SYNE3: variants seen among roughly 807,000 people sequenced by gnomAD.
SYNE3 encodes the protein nesprin-3.
A neutral mutation model predicts 111.2 loss-of-function variants in SYNE3; 100 were observed. That is an observed-to-expected ratio of 0.90 (90% CI 0.77 to 1.06). The LOEUF (loss-of-function observed/expected upper bound fraction) is 1.06, where lower values mean the gene tolerates loss of function less well. Among genes scored for constraint, SYNE3 ranks in the 50% least tolerant of loss-of-function variants. The pLI, the probability that SYNE3 is intolerant of heterozygous loss-of-function variation, is 0.00. For missense variants in SYNE3, 1,160 were observed against 1,240.3 expected (o/e 0.94, Z 0.97); for synonymous variants, 547 against 533.9 (o/e 1.02, Z -0.34).
chr14:95,480,577 G>C (rs1054701496), intron 1 of SYNE3, among the ~76,000 whole-genome samples: 4 of 152,226 alleles, frequency 2.6e-5, no homozygotes, highest in African/African-American at 9.6e-5. Context: ...GGAATGGACA[G>C]TAAGGATGCA....
At chr14:95,478,854 C>G (rs535668374) in intron 1 of SYNE3, among the ~76,000 whole-genome samples, 2 of 152,304 alleles carry the variant, frequency 1.3e-5, no homozygotes, top group African/African-American at 2.4e-5. Context: ...CATCCCCTAT[C>G]TCAGGTGGTC....
intron 17 of SYNE3, 132 bp from the exon 18 acceptor site, chr14:95,418,158 T>C: frequency 1.1e-6 from 1 of 914,744 alleles, no homozygotes; most frequent in Non-Finnish European, 1.7e-6. Flanking sequence ...CATCTCCAGG[T>C]TCTCATCTGT....
chr14:95,460,384 T>TTTTTTTTTC, intron 4 of SYNE3, among the ~76,000 whole-genome samples: 1 of 148,642 alleles, frequency 6.7e-6, no homozygotes, highest in Non-Finnish European at 1.5e-5. Context: ...TTTTTTTTTT[T>TTTTTTTTTC]TTTTTTTGCT....
chr14:95,420,725 C>T (rs772251424), intron 17 of SYNE3, among the ~76,000 whole-genome samples: 8 of 152,058 alleles, frequency 5.3e-5, no homozygotes, highest in Non-Finnish European at 1.0e-4. Flanking sequence ...CACACACACA[C>T]ACATACACAC....
At chr14:95,449,624 A>G in intron 8 of SYNE3, 1 of 985,480 alleles carries the variant, frequency 1.0e-6, no homozygotes, top group Non-Finnish European at 1.2e-6. Flanking sequence ...GAGCTGCAGT[A>G]AAGGCAATGG....
chr14:95,510,307 A>T (rs1595265625), intron 1 of SYNE3, among the ~76,000 whole-genome samples: 2 of 152,162 alleles, frequency 1.3e-5, no homozygotes, highest in Admixed American at 6.5e-5. Context: ...AAGGGCTGAG[A>T]CCTGGGCCCA....
At chr14:95,472,746 T>C (rs756611699) in intron 2 of SYNE3, among the ~76,000 whole-genome samples, 10 of 152,148 alleles carry the variant, frequency 6.6e-5, no homozygotes, top group Non-Finnish European at 1.5e-4. Context: ...CCAGGAGCGA[T>C]GGGTTCTCCA....
intron 1 of SYNE3, among the ~76,000 whole-genome samples, chr14:95,502,021 G>T (rs930144970): frequency 6.6e-6 from 1 of 152,226 alleles, no homozygotes; most frequent in Non-Finnish European, 1.5e-5. Context: ...GGGGAGAGAT[G>T]ATTCCACCTT....
intron 1 of SYNE3, among the ~76,000 whole-genome samples, chr14:95,504,210 T>C (rs1311625733): frequency 6.6e-6 from 1 of 152,258 alleles, no homozygotes; most frequent in African/African-American, 2.4e-5. Flanking sequence ...ACATAGCATC[T>C]GTGGCTGCTT....
chr14:95,430,287 G>C (rs1285874638), intron 17 of SYNE3, among the ~76,000 whole-genome samples: 1 of 152,140 alleles, frequency 6.6e-6, no homozygotes, highest in Non-Finnish European at 1.5e-5. Flanking sequence ...GCAGGAGCTA[G>C]AGTCGGTCTG....
In SYNE3 at chr14:95,475,812, G is replaced by A; in HGVS notation, c.10C>T (p.Gln4Ter). The A allele has an allele frequency of 1.3e-6, 2 of 1,559,672 alleles. No individual in the cohort carries two copies. The highest frequency in any genetic ancestry group is 1.2e-5 in the South Asian group (1 of 82,134). Residue 4 changes from glutamine (Q) to a stop codon, truncating the protein, a stop_gained, in exon 2 of 18, where the codon CAG (glutamine) becomes TAG (stop). Transcript: ENST00000682763. LOFTEE classifies it high-confidence loss of function. MTQ[Q>*]PQDDFDRSVE... is the part of the protein sequence containing the mutation. Reference sequence around the variant, plus strand: ...CTCCTGTCAAAGTCGTCCTGGGGCTGCTGAGTCATGGCACCTGCAGGGGCT... The same window carrying A: ...CTCCTGTCAAAGTCGTCCTGGGGCTACTGAGTCATGGCACCTGCAGGGGCT...
chr14:95,511,942 G>C (rs60637583), intron 1 of SYNE3, among the ~76,000 whole-genome samples: 11,269 of 152,038 alleles, frequency 0.074, 1,281 homozygotes, highest in African/African-American at 0.25. Context: ...AGGACACTTC[G>C]TTTTGTTATA....
chr14:95,464,971 A>C (rs959464971), intron 4 of SYNE3, among the ~76,000 whole-genome samples: 2 of 152,254 alleles, frequency 1.3e-5, no homozygotes, highest in African/African-American at 4.8e-5. Flanking sequence ...GGAAAATGAC[A>C]TAATTTGTTA....
intron 1 of SYNE3, among the ~76,000 whole-genome samples, chr14:95,479,679 G>A (rs746076950): frequency 2.2e-4 from 33 of 152,248 alleles, no homozygotes; most frequent in Non-Finnish European, 4.0e-4. Context: ...GGGCGGGGAT[G>A]GACGCACAGT....
At chr14:95,460,939 G>A (rs1887770820) in intron 4 of SYNE3, among the ~76,000 whole-genome samples, 1 of 152,200 alleles carries the variant, frequency 6.6e-6, no homozygotes, top group Admixed American at 6.5e-5. Flanking sequence ...ACCCGGAGAA[G>A]TCCAGGGTAA....
At position 95,456,568 on chromosome 14, in the gene SYNE3, C is replaced by A. The variant is rs116808746; in HGVS notation, c.789+609G>T. ...ACATTGCCAAAGATTTTCCTCAGGG[C>A]GAGGAGTCTCTAGACACTGCCAAAT... On this transcript the variant is annotated intron_variant, in intron 5 of 17. Transcript: ENST00000682763. Among the ~76,000 whole-genome samples, 770 of 152,274 alleles carry A rather than the reference C, an allele frequency of 5.1e-3. 7 individuals are homozygous for A. The highest frequency in any genetic ancestry group is 0.018 in the African/African-American group (730 of 41,546).
rs550528862 is a variant in SYNE3 at position 95,472,297 on chromosome 14, C to A, written c.144+3381G>T. Reference sequence around the variant, plus strand: ...GGTGAGGAAGCTGCCTGGCTCAGGCCAGGACCCAGATACAGGACAAGGGAG... The same window carrying A: ...GGTGAGGAAGCTGCCTGGCTCAGGCAAGGACCCAGATACAGGACAAGGGAG... On this transcript the variant is annotated intron_variant, in intron 2 of 17. Transcript: ENST00000682763. 9.2e-5 allele frequency among the ~76,000 whole-genome samples: 14 copies of A among 152,326 alleles called. No homozygotes were observed. The South Asian group carries it at 1.9e-3, about 20-fold the overall frequency.
intron 1 of SYNE3, among the ~76,000 whole-genome samples, chr14:95,504,202 A>G (rs1158124225): frequency 1.3e-5 from 2 of 152,258 alleles, no homozygotes; most frequent in East Asian, 3.8e-4. Flanking sequence ...ATTCATTTAC[A>G]TAGCATCTGT....
Position 95,502,899 on chromosome 14 carries a change from C to T in SYNE3, c.-15+13697G>A, listed in dbSNP as rs188250259. ...TAAAGTAGAGCTCCATGTCGAGCAG[C>T]GAGTTTCCACCAAAGACATTCACAG... On this transcript the variant is annotated intron_variant, in intron 1 of 17. Transcript: ENST00000682763. 1.8e-4 allele frequency among the ~76,000 whole-genome samples: 28 copies of T among 152,304 alleles called. No homozygotes were observed. The East Asian group carries it at 2.9e-3, about 16-fold the overall frequency.
Sources: allele counts gnomAD v4.1 joint callset (sites outside exome capture counted in the v4.1 genomes callset), GRCh38; gene constraint gnomAD v4.1.1; transcripts MANE v1.5; gene names NCBI Gene and HGNC (gene_info 2026-07-23, HGNC 2026-07-21).